The following CNST variants were observed in gnomAD, a reference collection of about 807,000 sequenced individuals.
The protein encoded by CNST is consortin.
In CNST, 39 loss-of-function variants were observed where a neutral mutation model predicts 72.4. The observed-to-expected ratio is 0.54, with a 90% CI of 0.42 to 0.70. The LOEUF is 0.70. CNST is among the 30% of genes least tolerant of loss of function. The probability of loss-of-function intolerance (pLI) is 0.00; values close to 1 mark genes in which losing one functional copy is unlikely to be tolerated. For synonymous variants in CNST, 332 were observed against 320.1 expected (o/e 1.04, Z -0.40); for missense variants, 871 against 868.5 (o/e 1.00, Z -0.04).
chr1:246,595,753 GAAAA>G (rs913625257), intron 2 of CNST, among the ~76,000 whole-genome samples: 1 of 150,416 alleles, frequency 6.6e-6, no homozygotes, highest in African/African-American at 2.4e-5. Context: ...TAAAAATAAA[GAAAA>G]AAAAGACCAA....
Position 246,666,003 on chromosome 1 carries a change from C to G in CNST, c.*98C>G. 1.2e-6 allele frequency: 1 copy of G among 846,538 alleles called. No homozygotes were observed. The highest frequency in any genetic ancestry group is 1.8e-6 in the Non-Finnish European group (1 of 543,370). The allele number at this position is 846,538 out of a possible 1,614,324, so 52.4% of individuals were successfully genotyped here. Reference sequence around the variant, plus strand: ...GGAATTCTGTAGCATTCCCCCTTCCCTCTGTTAGGAACCAAGGACATCAGA... The same window carrying G: ...GGAATTCTGTAGCATTCCCCCTTCCGTCTGTTAGGAACCAAGGACATCAGA... On this transcript the variant is annotated 3_prime_UTR_variant, in exon 11 of 11. Coordinates refer to ENST00000366513, the MANE Select transcript of CNST (RefSeq NM_152609.3).
intron 1 of CNST, among the ~76,000 whole-genome samples, chr1:246,580,802 A>G (rs1215979593): frequency 1.3e-5 from 2 of 151,356 alleles, no homozygotes; most frequent in African/African-American, 4.9e-5. Context: ...GTGCAGTATC[A>G]TGATCTTAGC....
In CNST at chr1:246,570,822, T is replaced by C. The variant is rs146811252; in HGVS notation, c.-52+4159T>C. On this transcript the variant is annotated intron_variant, in intron 1 of 10. Transcript: ENST00000366513. ...TTTATTGTAGTTATTTTAGGAAGAGTAATTGATAGTGCAGTAATCTTCAGT... is the reference window on the plus strand; with the variant it reads ...TTTATTGTAGTTATTTTAGGAAGAGCAATTGATAGTGCAGTAATCTTCAGT... 3.9e-3 allele frequency among the ~76,000 whole-genome samples: 592 copies of C among 152,332 alleles called. 3 individuals carry two copies. Among genetic ancestry groups the C allele is most frequent in the African/African-American group, 0.014 (568 of 41,580 alleles).
chr1:246,569,114 G>A (rs565764828), intron 1 of CNST, among the ~76,000 whole-genome samples: 60 of 152,222 alleles, frequency 3.9e-4, no homozygotes, highest in Non-Finnish European at 4.6e-4. Context: ...AAGGCTGTAG[G>A]TCTGTAGCAG....
At position 246,570,178 on chromosome 1, in the gene CNST, T is replaced by G. The variant is rs554469564; in HGVS notation, c.-52+3515T>G. On this transcript the variant is annotated intron_variant, in intron 1 of 10. Transcript: ENST00000366513. ...GTTTAGGGGAATTTAAAAGGAAAGA[T>G]GGCAGTTTTTATATAAAGCAACTGA... 2.2e-4 allele frequency among the ~76,000 whole-genome samples: 33 copies of G among 152,284 alleles called. No individual in the cohort carries two copies. The East Asian group carries it at 3.1e-3, about 14-fold the overall frequency.
intron 6 of CNST, among the ~76,000 whole-genome samples, chr1:246,637,508 C>T (rs1665370047): frequency 6.6e-6 from 1 of 152,202 alleles, no homozygotes; most frequent in Non-Finnish European, 1.5e-5. Context: ...TTCGTCCATA[C>T]ATGATTCCAA....
chr1:246,567,980 G>A lies in CNST; in HGVS notation c.-52+1317G>A, dbSNP rs368426896. Among the ~76,000 whole-genome samples, 15 of 152,094 alleles carry A rather than the reference G, an allele frequency of 9.9e-5. 1 individual carries two copies. Among genetic ancestry groups the A allele is most frequent in the African/African-American group, 3.6e-4 (15 of 41,478 alleles). ...CTTCATGGTTCACTCATAGAAATGT[G>A]TCGTTGAATTTCTGACTTTTTAAAA... On this transcript the variant is annotated intron_variant, in intron 1 of 10. Coordinates refer to ENST00000366513, the MANE Select transcript of CNST (RefSeq NM_152609.3).
At chr1:246,615,318 G>A (rs1285722062) in intron 2 of CNST, among the ~76,000 whole-genome samples, 2 of 152,096 alleles carry the variant, frequency 1.3e-5, no homozygotes, top group Admixed American at 1.3e-4. Context: ...TGGGACTACA[G>A]GCGCGTGCCA....
chr1:246,597,833 G>A (rs1661985179), intron 2 of CNST, among the ~76,000 whole-genome samples: 1 of 152,174 alleles, frequency 6.6e-6, no homozygotes, highest in South Asian at 2.1e-4. Flanking sequence ...TTTCTCATCT[G>A]TAAGGAAGGC....
At chr1:246,611,757 A>G (rs1313969852) in intron 2 of CNST, among the ~76,000 whole-genome samples, 1 of 152,186 alleles carries the variant, frequency 6.6e-6, no homozygotes, top group Non-Finnish European at 1.5e-5. Flanking sequence ...GAAAGCAAGG[A>G]CCCGAGCAGA....
chr1:246,567,050 T>G, intron 1 of CNST, among the ~76,000 whole-genome samples: 1 of 126,906 alleles, frequency 7.9e-6, no homozygotes, highest in Non-Finnish European at 1.7e-5. Flanking sequence ...CCACACCTGG[T>G]CCCCCCCATC....
intron 10 of CNST, among the ~76,000 whole-genome samples, chr1:246,664,634 G>T (rs140928735): frequency 5.7e-4 from 86 of 151,914 alleles, no homozygotes; most frequent in East Asian, 1.7e-3. Context: ...CACCGTGTCA[G>T]CCAGGATGGT....
At chr1:246,639,861 G>C (rs965581349) in intron 6 of CNST, among the ~76,000 whole-genome samples, 3 of 150,810 alleles carry the variant, frequency 2.0e-5, no homozygotes, top group African/African-American at 4.9e-5. Flanking sequence ...ATGGGGCCGA[G>C]GTTTTATGGT....
At position 246,647,374 on chromosome 1, in the gene CNST, G is replaced by C. The variant is rs199563490; in HGVS notation, c.1173G>C (p.Glu391Asp). 5.0e-6 allele frequency: 8 copies of C among 1,614,100 alleles called. No individual in the cohort carries two copies. The highest frequency in any genetic ancestry group is 6.8e-6 in the Non-Finnish European group (8 of 1,180,018). ...AGSPSGPDSS[E>D]DACEDDSRLQ... ...GCCCGTCTGGGCCAGACTCTTCTGAGGATGCTTGTGAGGATGACAGTCGCT... is the reference window on the plus strand; with the variant it reads ...GCCCGTCTGGGCCAGACTCTTCTGACGATGCTTGTGAGGATGACAGTCGCT... Residue 391 changes from glutamate to aspartate, a missense_variant, in exon 9 of 11, where the codon GAG (glutamate) becomes GAC (aspartate). Transcript: ENST00000366513.
At chr1:246,649,726 C>T (rs1431062601) in intron 9 of CNST, among the ~76,000 whole-genome samples, 3 of 151,978 alleles carry the variant, frequency 2.0e-5, no homozygotes, top group African/African-American at 4.8e-5. Flanking sequence ...CTTTTTAGAA[C>T]TATCTTTCCC....
At chr1:246,575,140 C>G (rs1264061302) in intron 1 of CNST, among the ~76,000 whole-genome samples, 1 of 152,066 alleles carries the variant, frequency 6.6e-6, no homozygotes, top group Non-Finnish European at 1.5e-5. Context: ...ATTACAGGCA[C>G]CCGCCGCCAA....
At position 246,666,087 on chromosome 1, in the gene CNST, G is replaced by A. The variant is rs145537386; in HGVS notation, c.*182G>A. 9.3e-5 allele frequency: 54 copies of A among 578,306 alleles called. No individual in the cohort carries two copies. Among genetic ancestry groups the A allele is most frequent in the African/African-American group, 8.2e-4 (44 of 53,524 alleles). 35.8% of individuals were successfully genotyped at this position (578,306 alleles called of 1,614,324 possible). ...CTGTTAGAATAATCCACACAGTGAG[G>A]CAAATATCAATCTAAGCATTGTGGA... On this transcript the variant is annotated 3_prime_UTR_variant, in exon 11 of 11. Transcript: ENST00000366513.
Position 246,641,751 on chromosome 1 carries a change from C to A in CNST, c.821C>A (p.Pro274His). The part of the protein sequence containing the change: ...LTKICATHQD[P>H]LLSKHKIAAV... ...TTTTTCTTTCTTTTTTCCTACAGTC[C>A]TCTTTTATCCAAACATAAGGTAAGA... Residue 274 changes from proline to histidine, a missense_variant and splice_region_variant, in exon 7 of 11, where the codon CCT (proline) becomes CAT (histidine). Coordinates refer to ENST00000366513, the MANE Select transcript of CNST (RefSeq NM_152609.3). The A allele has an allele frequency of 7.5e-7, 1 of 1,338,960 alleles. No individual in the cohort carries two copies. The highest frequency in any genetic ancestry group is 1.1e-6 in the Non-Finnish European group (1 of 944,872). 82.9% of individuals were successfully genotyped at this position (1,338,960 alleles called of 1,614,324 possible). A position where few individuals can be genotyped will look rare whatever the true frequency, so the allele number is the denominator to read the frequency against.
chr1:246,648,358 C>A (rs1313089262), intron 9 of CNST: 4 of 372,792 alleles, frequency 1.1e-5, no homozygotes, highest in Non-Finnish European at 1.6e-5. Context: ...CCAGAATAGT[C>A]ACATTCTAAT....
Sources: gnomAD v4.1 joint callset for allele counts (sites outside exome capture counted in the v4.1 genomes callset) on GRCh38, gnomAD v4.1.1 for gene constraint, MANE v1.5 for transcripts, NCBI Gene and HGNC (gene_info 2026-07-23, HGNC 2026-07-21) for gene names.